The following SMARCC1 variants were observed in gnomAD, a reference collection of about 807,000 sequenced individuals.
SMARCC1 encodes SWI/SNF related BAF chromatin remodeling complex subunit C1, also known as SWI/SNF complex subunit SMARCC1.
A neutral mutation model predicts 147.4 loss-of-function variants in SMARCC1; 43 were observed. That is an observed-to-expected ratio of 0.29 (90% CI 0.23 to 0.38). The LOEUF (loss-of-function observed/expected upper bound fraction) is 0.38, where lower values mean the gene tolerates loss of function less well. SMARCC1 is among the 10% of genes least tolerant of loss of function. SMARCC1 has a pLI of 1.00. For synonymous variants in SMARCC1, 495 were observed against 484.4 expected (o/e 1.02, Z -0.29); for missense variants, 1,119 against 1,381.1 (o/e 0.81, Z 3.01).
chr3:47,718,200 T>G (rs1242712691), intron 7 of SMARCC1, among the ~76,000 whole-genome samples: 5 of 147,660 alleles, frequency 3.4e-5, no homozygotes, highest in Admixed American at 6.7e-5. Context: ...ATCCCAGCAC[T>G]TTGGGAGGCC....
At chr3:47,750,200 C>T (rs2034613970) in intron 2 of SMARCC1, among the ~76,000 whole-genome samples, 1 of 152,080 alleles carries the variant, frequency 6.6e-6, no homozygotes, top group South Asian at 2.1e-4. Context: ...CTTTGGGAGG[C>T]CAAGGTGGAC....
intron 25 of SMARCC1, among the ~76,000 whole-genome samples, chr3:47,621,337 C>A (rs1176520422): frequency 6.6e-6 from 1 of 151,338 alleles, no homozygotes; most frequent in Non-Finnish European, 1.5e-5. Flanking sequence ...ATCGTTCTAC[C>A]AAAAATGCAC....
intron 16 of SMARCC1, among the ~76,000 whole-genome samples, chr3:47,677,558 G>GT (rs573194785): frequency 0.05 from 7,327 of 145,486 alleles, 555 homozygotes; most frequent in African/African-American, 0.17. Context: ...TTTATTTTGT[G>GT]TTTTTTTTTT....
intron 6 of SMARCC1, among the ~76,000 whole-genome samples, chr3:47,728,173 A>G (rs2106819660): frequency 7.8e-6 from 1 of 128,140 alleles, no homozygotes; most frequent in South Asian, 2.4e-4. Flanking sequence ...TGCAACCTCC[A>G]TATCCCAGGT....
intron 3 of SMARCC1, among the ~76,000 whole-genome samples, chr3:47,742,252 G>A (rs1177734575): frequency 2.0e-5 from 3 of 150,766 alleles, no homozygotes; most frequent in Non-Finnish European, 4.4e-5. Context: ...GGGTGACAGA[G>A]CAAGACTCCG....
At chr3:47,592,581 C>T (rs765741783) in intron 26 of SMARCC1, among the ~76,000 whole-genome samples, 2 of 152,160 alleles carry the variant, frequency 1.3e-5, no homozygotes, top group African/African-American at 2.4e-5. Flanking sequence ...TTAAACCAAG[C>T]GATTTGGCTG....
At chr3:47,723,127 T>C (rs73085108) in intron 6 of SMARCC1, among the ~76,000 whole-genome samples, 1,789 of 152,264 alleles carry the variant, frequency 0.012, 19 homozygotes, top group Non-Finnish European at 0.019. Context: ...ATATGAAAGA[T>C]GTGCTCCTAG....
At chr3:47,649,882 A>T (rs865987409) in intron 21 of SMARCC1, among the ~76,000 whole-genome samples, 1 of 152,234 alleles carries the variant, frequency 6.6e-6, no homozygotes, top group South Asian at 2.1e-4. Flanking sequence ...ACTAAAATTC[A>T]TTGTATTAAA....
Position 47,693,254 on chromosome 3 carries a change from A to C in SMARCC1, c.1212T>G (p.Thr404=). The stretch of plus-strand genomic sequence containing the variant: ...TTAGGTGCTTACCTAGATCCGCTAC[A>C]GTTCCTCCTTTAACAGGTGTATTTT... ...DSENTPVKGG[T]VADLDEQDEE... is the part of the protein sequence containing the mutation. The change falls in exon 12 of 28, where the codon ACT becomes ACG. Residue 404 remains threonine, a synonymous_variant. Coordinates refer to ENST00000254480, the MANE Select transcript of SMARCC1 (RefSeq NM_003074.4). The C allele has an allele frequency of 7.6e-6, 12 of 1,586,232 alleles. No individual in the cohort carries two copies. The highest frequency in any genetic ancestry group is 9.5e-6 in the Non-Finnish European group (11 of 1,154,696).
intron 24 of SMARCC1, among the ~76,000 whole-genome samples, chr3:47,634,955 C>T (rs2032948565): frequency 6.6e-6 from 1 of 152,170 alleles, no homozygotes; most frequent in Admixed American, 6.5e-5. Context: ...TCTCTGCAGT[C>T]TTTACAAGGC....
At chr3:47,731,058 T>G (rs892551241) in intron 5 of SMARCC1, among the ~76,000 whole-genome samples, 9 of 152,204 alleles carry the variant, frequency 5.9e-5, no homozygotes, top group Admixed American at 5.9e-4. Flanking sequence ...CTTTCACAAA[T>G]GATTTCTCTG....
chr3:47,588,847 C>T (rs1320041275), intron 27 of SMARCC1, among the ~76,000 whole-genome samples: 1 of 152,028 alleles, frequency 6.6e-6, no homozygotes, highest in Non-Finnish European at 1.5e-5. Flanking sequence ...AGGGAGGCCT[C>T]CACAGCTCCT....
At chr3:47,597,605 C>T (rs774587145) in intron 26 of SMARCC1, among the ~76,000 whole-genome samples, 1 of 152,174 alleles carries the variant, frequency 6.6e-6, no homozygotes, top group Non-Finnish European at 1.5e-5. Flanking sequence ...GGATTACAGG[C>T]GTGAGCCACC....
intron 14 of SMARCC1, among the ~76,000 whole-genome samples, chr3:47,684,239 CAAAAAAAAAAA>C (rs759227252): frequency 2.0e-5 from 1 of 49,548 alleles, no homozygotes; most frequent in Non-Finnish European, 4.3e-5. Flanking sequence ...GACTCCGTCT[CAAAAAAAAAAA>C]AAAAAAAAAG....
chr3:47,640,793 A>G (rs1199977331), intron 21 of SMARCC1, among the ~76,000 whole-genome samples: 1 of 152,208 alleles, frequency 6.6e-6, no homozygotes, highest in Non-Finnish European at 1.5e-5. Flanking sequence ...ATTAGACGAC[A>G]CTAGGCTAAA....
intron 19 of SMARCC1, among the ~76,000 whole-genome samples, chr3:47,664,375 T>C (rs896963064): frequency 1.1e-4 from 16 of 152,196 alleles, no homozygotes; most frequent in Admixed American, 1.3e-4. Context: ...TCTTTCCAAG[T>C]TGAACTACAG....
chr3:47,771,690 G>A (rs2034916209), intron 2 of SMARCC1, among the ~76,000 whole-genome samples: 1 of 152,130 alleles, frequency 6.6e-6, no homozygotes, highest in Non-Finnish European at 1.5e-5. Flanking sequence ...GTTGCAGTGA[G>A]CCAAGATCAC....
At chr3:47,663,688 C>T in intron 19 of SMARCC1, 2 of 1,487,938 alleles carry the variant, frequency 1.3e-6, no homozygotes, top group Non-Finnish European at 1.9e-6. Flanking sequence ...AGGGGCTTAG[C>T]CCCACTGTTT....
chr3:47,670,256 C>T (rs901967004), intron 19 of SMARCC1: 7 of 170,434 alleles, frequency 4.1e-5, no homozygotes, highest in South Asian at 1.9e-4. Flanking sequence ...GTTTTGAGCT[C>T]CAGTGGACAC....
Sources: gnomAD v4.1 joint callset for allele counts (sites outside exome capture counted in the v4.1 genomes callset) on GRCh38, gnomAD v4.1.1 for gene constraint, MANE v1.5 for transcripts, NCBI Gene and HGNC (gene_info 2026-07-23, HGNC 2026-07-21) for gene names.